The following LARGE1 variants were observed in gnomAD, a reference collection of about 807,000 sequenced individuals.
LARGE1 encodes the protein xylosyl- and glucuronyltransferase LARGE1.
Under a neutral mutation model 87.6 loss-of-function variants are expected in LARGE1, and 43 were observed. The ratio of observed to expected loss-of-function variants is 0.49; its 90% CI spans 0.38 to 0.63. The LOEUF is 0.63. LARGE1 is among the 30% of genes least tolerant of loss of function. LARGE1 has a pLI of 0.00. For synonymous variants in LARGE1, 434 were observed against 394.6 expected (o/e 1.10, Z -1.18); for missense variants, 802 against 1,000.2 (o/e 0.80, Z 2.67).
rs1928577679 is a variant in LARGE1 at position 33,273,664 on chromosome 22, A to G, written c.*763T>C. 2 of 398,804 alleles carry G rather than the reference A, an allele frequency of 5.0e-6. No individual in the cohort carries two copies. Among genetic ancestry groups the G allele is most frequent in the Non-Finnish European group, 8.8e-6 (2 of 226,388 alleles). 24.7% of individuals were successfully genotyped at this position (398,804 alleles called of 1,614,324 possible). On this transcript the variant is annotated 3_prime_UTR_variant, in exon 15 of 15. Transcript: ENST00000397394. ...CCTGAAGGAAGCTGCCCATGTTTAA[A>G]TATCGGCCGAAGATGCTTGACCTCC...
intron 12 of LARGE1, among the ~76,000 whole-genome samples, chr22:33,300,763 A>G (rs1277475274): frequency 6.6e-6 from 1 of 152,112 alleles, no homozygotes; most frequent in African/African-American, 2.4e-5. Context: ...GATGGTCTCG[A>G]TCTTCTGACC....
chr22:33,432,732 T>C (rs1260731566), intron 6 of LARGE1, among the ~76,000 whole-genome samples: 4 of 152,156 alleles, frequency 2.6e-5, no homozygotes, highest in African/African-American at 9.7e-5. Context: ...TGGACTGGGA[T>C]TGGTTTCTCA....
At chr22:33,620,121 G>A (rs1003303298) in intron 4 of LARGE1, among the ~76,000 whole-genome samples, 5 of 152,124 alleles carry the variant, frequency 3.3e-5, no homozygotes, top group Non-Finnish European at 7.4e-5. Context: ...TACTGGTCAC[G>A]AATATGCTCT....
chr22:33,256,216 G>A (rs572155755), intron 11 of LARGE1, among the ~76,000 whole-genome samples: 1 of 152,336 alleles, frequency 6.6e-6, no homozygotes, highest in South Asian at 2.1e-4. Flanking sequence ...ACATCTGGAG[G>A]ACGATAGAAG....
Position 33,306,536 on chromosome 22 carries a change from A to C in LARGE1, c.1452-2029T>G, listed in dbSNP as rs1158764370. Among the ~76,000 whole-genome samples the C allele has an allele frequency of 5.9e-5, 9 of 152,128 alleles. No individual in the cohort carries two copies. The East Asian group carries it at 1.7e-3, about 30-fold the overall frequency. Reference sequence around the variant, plus strand: ...AAAGGAACCCCTCCCCTGCCCCGTGACCTGCCACAGTCCCTCTCCTAAGCT... The same window carrying C: ...AAAGGAACCCCTCCCCTGCCCCGTGCCCTGCCACAGTCCCTCTCCTAAGCT... On this transcript the variant is annotated intron_variant, in intron 11 of 14. Coordinates refer to ENST00000397394, the MANE Select transcript of LARGE1 (RefSeq NM_133642.5).
intron 7 of LARGE1, among the ~76,000 whole-genome samples, chr22:33,431,529 C>G (rs1227836656): frequency 6.6e-6 from 1 of 152,078 alleles, no homozygotes; most frequent in Non-Finnish European, 1.5e-5. Flanking sequence ...TGCTGATTAG[C>G]AAATATATCT....
At chr22:33,766,963 T>C (rs1206970433) in intron 1 of LARGE1, among the ~76,000 whole-genome samples, 1 of 112,766 alleles carries the variant, frequency 8.9e-6, no homozygotes, top group African/African-American at 3.7e-5. Flanking sequence ...TATATATATA[T>C]ATATACTTCC....
At chr22:33,500,037 G>C (rs1425200411) in intron 6 of LARGE1, among the ~76,000 whole-genome samples, 2 of 152,154 alleles carry the variant, frequency 1.3e-5, no homozygotes, top group Admixed American at 1.3e-4. Context: ...GCCTCCCAAA[G>C]TGCTGGGATT....
At chr22:33,225,659 T>G (rs1318171172) in intron 11 of LARGE1, among the ~76,000 whole-genome samples, 1 of 152,174 alleles carries the variant, frequency 6.6e-6, no homozygotes, top group Admixed American at 6.5e-5. Context: ...CAGATCATTT[T>G]ATCACCCAGG....
intron 5 of LARGE1, among the ~76,000 whole-genome samples, chr22:33,591,062 GTGGTGGTGGGTGCCTGTA>G (rs1569296116): frequency 3.9e-5 from 6 of 152,188 alleles, no homozygotes; most frequent in African/African-American, 7.2e-5. Context: ...TTAGCTGGGC[GTGGTGGTGGGTGCCTGTA>G]ATTCCAGCTA....
At chr22:33,098,826 C>T in the LARGE1 span, among the ~76,000 whole-genome samples, 2 of 152,094 alleles carry the variant, frequency 1.3e-5, no homozygotes, top group South Asian at 2.1e-4. Context: ...GTTTCATGGC[C>T]GTGAAGAGGA....
chr22:33,367,736 G>A (rs956905337), intron 9 of LARGE1, among the ~76,000 whole-genome samples: 3 of 151,962 alleles, frequency 2.0e-5, no homozygotes, highest in East Asian at 1.9e-4. Context: ...CAACTCTAAC[G>A]TTGTTTATAT....
chr22:33,521,286 C>T (rs2071577981), intron 6 of LARGE1, among the ~76,000 whole-genome samples: 1 of 152,228 alleles, frequency 6.6e-6, no homozygotes, highest in Non-Finnish European at 1.5e-5. Flanking sequence ...CACAGCTGGG[C>T]TGTTCTGGTT....
intron 5 of LARGE1, among the ~76,000 whole-genome samples, chr22:33,596,239 G>A (rs1422416451): frequency 1.6e-4 from 25 of 152,164 alleles, no homozygotes; most frequent in Non-Finnish European, 4.4e-5. Context: ...ATTTTATAAT[G>A]CAGATTAGAG....
intron 11 of LARGE1, among the ~76,000 whole-genome samples, chr22:33,201,116 C>T (rs1924359927): frequency 6.6e-6 from 1 of 152,066 alleles, no homozygotes; most frequent in Non-Finnish European, 1.5e-5. Context: ...CGTGACCAGC[C>T]TGACCAACAT....
chr22:33,716,906 CATT>C lies in LARGE1; in HGVS notation c.106+44462_106+44464del, dbSNP rs1416432037. ...CAGAGATGCCCATTCAGAGCACAGA[CATT>C]ATGGAACCACAAAACCAGTGTCAAC... On this transcript the variant is annotated intron_variant, in intron 2 of 14. Transcript: ENST00000397394. Among the ~76,000 whole-genome samples, 3 of 152,332 alleles carry C rather than the reference CATT, an allele frequency of 2.0e-5. No homozygotes were observed. In the East Asian group the frequency reaches 5.8e-4, roughly 29 times the overall value.
intron 5 of LARGE1, among the ~76,000 whole-genome samples, chr22:33,590,914 C>T (rs1486815309): frequency 1.3e-5 from 2 of 152,150 alleles, no homozygotes; most frequent in East Asian, 3.8e-4. Context: ...TTTTAAAAAG[C>T]TGCCAAGGCC....
intron 6 of LARGE1, among the ~76,000 whole-genome samples, chr22:33,454,388 G>A (rs1315636810): frequency 6.6e-6 from 1 of 152,014 alleles, no homozygotes; most frequent in Admixed American, 6.6e-5. Context: ...GGGAGGCTGA[G>A]GCGGGTGGAT....
intron 2 of LARGE1, among the ~76,000 whole-genome samples, chr22:33,749,448 G>T (rs1035931922): frequency 5.9e-5 from 9 of 152,184 alleles, no homozygotes; most frequent in Non-Finnish European, 2.9e-5. Context: ...AAACTGACCT[G>T]CAATGATGTT....
Sources: gnomAD v4.1 joint callset for allele counts (sites outside exome capture counted in the v4.1 genomes callset) on GRCh38, gnomAD v4.1.1 for gene constraint, MANE v1.5 for transcripts, NCBI Gene and HGNC (gene_info 2026-07-23, HGNC 2026-07-21) for gene names.